DNAI2: variants seen among roughly 807,000 people sequenced by gnomAD.
DNAI2 encodes the protein dynein, axonemal, intermediate polypeptide 2.
In DNAI2, 63 loss-of-function variants were observed where a neutral mutation model predicts 74.7. That is an observed-to-expected ratio of 0.84 (90% CI 0.69 to 1.04). The LOEUF (loss-of-function observed/expected upper bound fraction) is 1.04. DNAI2 is among the 50% of genes least tolerant of loss of function. The pLI is 0.00. For missense variants in DNAI2, 688 were observed against 803.2 expected, an observed-to-expected ratio of 0.86 and a Z score of 1.73; for synonymous variants, 289 against 314.9, an observed-to-expected ratio of 0.92 and a Z score of 0.87.
At chr17:74,291,565 C>T (rs1208701331) in intron 6 of DNAI2, among the ~76,000 whole-genome samples, 1 of 152,224 alleles carries the variant, frequency 6.6e-6, no homozygotes, top group African/African-American at 2.4e-5. Flanking sequence ...TGAGGGCCTC[C>T]CATAGCTGAC....
chr17:74,284,850 G>A (rs1478557224), intron 2 of DNAI2, among the ~76,000 whole-genome samples, 190 bp from the exon 3 acceptor site: 2 of 152,196 alleles, frequency 1.3e-5, no homozygotes, highest in Non-Finnish European at 2.9e-5. Context: ...ACAGGGTTGC[G>A]CTGTTGCAGC....
chr17:74,286,921 G>A (rs2051782265), intron 3 of DNAI2, 56 bp from the exon 4 acceptor site: 5 of 1,612,462 alleles, frequency 3.1e-6, no homozygotes, highest in Non-Finnish European at 4.2e-6. Context: ...TGCAGGCCTG[G>A]GCAATCTGAA....
At chr17:74,284,028 C>A (rs2051541734) in intron 2 of DNAI2, among the ~76,000 whole-genome samples, 1 of 151,618 alleles carries the variant, frequency 6.6e-6, no homozygotes, top group Admixed American at 6.6e-5. Flanking sequence ...ATCCCAGCTA[C>A]TGGGGAGGCT....
At chr17:74,310,977 C>T (rs1321849059) in intron 11 of DNAI2, among the ~76,000 whole-genome samples, 5 of 152,042 alleles carry the variant, frequency 3.3e-5, no homozygotes, top group Non-Finnish European at 5.9e-5. Context: ...CAGGCTGAAT[C>T]GGTCCTCCCA....
At chr17:74,292,012 T>C (rs1007167505) in intron 6 of DNAI2, among the ~76,000 whole-genome samples, 2 of 152,104 alleles carry the variant, frequency 1.3e-5, no homozygotes, top group Admixed American at 1.3e-4. Context: ...TACAGGCTCA[T>C]GCCACCACGC....
rs149242223 is a variant in DNAI2 at position 74,296,102 on chromosome 17, G to A, written c.725-3616G>A. Among the ~76,000 whole-genome samples the A allele has an allele frequency of 2.2e-3, 334 of 152,150 alleles. 5 individuals are homozygous for A. In the East Asian group the frequency reaches 0.053, roughly 24 times the overall value. On this transcript the variant is annotated intron_variant, in intron 6 of 13. Coordinates refer to ENST00000311014, the MANE Select transcript of DNAI2 (RefSeq NM_023036.6). Reference sequence around the variant, plus strand: ...TGCTTGTGACCTTCTAGACTCCCAGGAATATGTCAGATCTTTTCAAAGCCC... The same window carrying A: ...TGCTTGTGACCTTCTAGACTCCCAGAAATATGTCAGATCTTTTCAAAGCCC...
intron 2 of DNAI2, among the ~76,000 whole-genome samples, chr17:74,283,863 C>A (rs959747527): frequency 1.3e-5 from 2 of 151,972 alleles, no homozygotes; most frequent in African/African-American, 2.4e-5. Context: ...ACTGGCCGGG[C>A]GCAGTGGCTC....
intron 12 of DNAI2, among the ~76,000 whole-genome samples, chr17:74,312,610 G>A (rs2144135372): frequency 6.6e-6 from 1 of 152,322 alleles, no homozygotes; most frequent in East Asian, 1.9e-4. Context: ...GACCCCTGGA[G>A]GGAAGGGCTG....
chr17:74,304,932 G>A (rs1016715097), intron 8 of DNAI2, among the ~76,000 whole-genome samples: 5 of 152,206 alleles, frequency 3.3e-5, no homozygotes, highest in African/African-American at 1.2e-4. Flanking sequence ...AGGACACAGT[G>A]GTGCTCTGCA....
At chr17:74,299,355 G>C (rs75186766) in intron 6 of DNAI2, among the ~76,000 whole-genome samples, 8,573 of 152,094 alleles carry the variant, frequency 0.056, 321 homozygotes, top group Admixed American at 0.1. Context: ...TCCATCCTGA[G>C]GCTCATCTTC....
In DNAI2 at chr17:74,310,089, G is replaced by C. The variant is rs878855078; in HGVS notation, c.1420G>C (p.Gly474Arg). 2 of 1,613,898 alleles carry C rather than the reference G, an allele frequency of 1.2e-6. No individual in the cohort carries two copies. Among genetic ancestry groups the C allele is most frequent in the Non-Finnish European group, 8.5e-7 (1 of 1,180,030 alleles). ...GCLIACGSQL[G>R]TTTLLEVSPG... is the part of the protein sequence containing the mutation. The stretch of plus-strand genomic sequence containing the variant: ...TCTCATCGCCTGCGGCTCCCAGCTG[G>C]GGACAACCACCCTGCTGGAGGTCTC... The change falls in exon 11 of 14, where the codon GGG becomes CGG. Residue 474 changes from glycine (G) to arginine (R), a missense_variant. Gly to Arg is a moderately radical substitution (Grantham distance 125). Transcript: ENST00000311014.
At chr17:74,308,657 G>A (rs900888363) in intron 9 of DNAI2, among the ~76,000 whole-genome samples, 1 of 152,124 alleles carries the variant, frequency 6.6e-6, no homozygotes, top group Admixed American at 6.5e-5. Context: ...GAGGAGCTGG[G>A]ACCACAGGTG....
intron 9 of DNAI2, among the ~76,000 whole-genome samples, 182 bp from the exon 10 acceptor site, chr17:74,309,060 CAAAAAAAAAAA>C (rs549880425): frequency 5.6e-5 from 3 of 53,788 alleles, no homozygotes; most frequent in African/African-American, 1.9e-4. Context: ...AAGAGTGTCT[CAAAAAAAAAAA>C]AAAAAAAAGC....
At chr17:74,310,427 G>C (rs974896100) in intron 11 of DNAI2, among the ~76,000 whole-genome samples, 2 of 151,684 alleles carry the variant, frequency 1.3e-5, no homozygotes, top group Non-Finnish European at 2.9e-5. Context: ...AAAGAGGTTC[G>C]ACTTGGTCAG....
At chr17:74,308,241 G>A (rs1195531978) in intron 9 of DNAI2, among the ~76,000 whole-genome samples, 1 of 152,336 alleles carries the variant, frequency 6.6e-6, no homozygotes, top group Middle Eastern at 3.4e-3. Context: ...GGAAGGGAGA[G>A]GAGGTCTGGG....
At chr17:74,299,628 A>G in intron 6 of DNAI2, 90 bp from the exon 7 acceptor site, 1 of 1,564,420 alleles carries the variant, frequency 6.4e-7, no homozygotes, top group Non-Finnish European at 8.7e-7. Flanking sequence ...GCCAAACCAG[A>G]AGCAGCAGCC....
chr17:74,290,042 TCGGTGGCC>T (rs1294956937), intron 5 of DNAI2, among the ~76,000 whole-genome samples: 6 of 152,068 alleles, frequency 3.9e-5, no homozygotes, highest in Admixed American at 3.9e-4. Flanking sequence ...CAGGCCGGGC[TCGGTGGCC>T]CATGCCTGTA....
At chr17:74,277,170 T>G (rs2051131391) in intron 1 of DNAI2, among the ~76,000 whole-genome samples, 1 of 152,108 alleles carries the variant, frequency 6.6e-6, no homozygotes, top group South Asian at 2.1e-4. Flanking sequence ...GCGGATCACT[T>G]GAGATCAGGA....
At chr17:74,302,451 C>T (rs898501604) in intron 8 of DNAI2, among the ~76,000 whole-genome samples, 2 of 152,248 alleles carry the variant, frequency 1.3e-5, no homozygotes, top group Middle Eastern at 3.4e-3. Flanking sequence ...CCTGTAATCC[C>T]AGCTACTCGG....
Sources: allele counts gnomAD v4.1 joint callset (sites outside exome capture counted in the v4.1 genomes callset), GRCh38; gene constraint gnomAD v4.1.1; transcripts MANE v1.5; gene names NCBI Gene and HGNC (gene_info 2026-07-23, HGNC 2026-07-21).